DNAH12: variants seen among roughly 807,000 people sequenced by gnomAD.
DNAH12 encodes axonemal beta dynein heavy chain 12.
DNAH12 carries 285 observed loss-of-function variants against 371.5 expected under a neutral mutation model. The observed-to-expected ratio is 0.77, with a 90% confidence interval of 0.70 to 0.85. The LOEUF is 0.85. Among genes scored for constraint, DNAH12 ranks in the 40% least tolerant of loss-of-function variants. The pLI is 0.00. For missense variants in DNAH12, 3,611 were observed against 3,689.4 expected, an observed-to-expected ratio of 0.98 and a Z score of 0.55; for synonymous variants, 1,200 against 1,213.0, an observed-to-expected ratio of 0.99 and a Z score of 0.22.
rs560987918 is a variant in DNAH12 at position 57,474,844 on chromosome 3, C to T, written c.1651-2173G>A. On this transcript the variant is annotated intron_variant, in intron 13 of 73. Transcript: ENST00000495027. ...TGGTGGTGCTAGCTGGGCGTGGTGG[C>T]GCGTGCCTGTAGTCCCAGGTACTCA... Among the ~76,000 whole-genome samples, 268 of 151,928 alleles carry T rather than the reference C, an allele frequency of 1.8e-3. 1 individual carries two copies. The highest frequency in any genetic ancestry group is 6.2e-3 in the African/African-American group (256 of 41,468).
intron 62 of DNAH12, among the ~76,000 whole-genome samples, chr3:57,328,226 C>T (rs1245306259): frequency 4.6e-5 from 7 of 151,544 alleles, no homozygotes; most frequent in Non-Finnish European, 1.0e-4. Context: ...CCAGCATCAT[C>T]CTGATACCAA....
chr3:57,381,382 A>T (rs2063387773), intron 50 of DNAH12, among the ~76,000 whole-genome samples: 1 of 152,104 alleles, frequency 6.6e-6, no homozygotes, highest in Non-Finnish European at 1.5e-5. Flanking sequence ...CCCAGGTATT[A>T]GAAAAACCTG....
chr3:57,413,716 T>G, intron 39 of DNAH12, 30 bp downstream of exon 39: 1 of 1,533,106 alleles, frequency 6.5e-7, no homozygotes, highest in Non-Finnish European at 8.8e-7. Context: ...AGGTATAACT[T>G]CAGCATAACT....
In DNAH12 at chr3:57,411,636, TAGA is replaced by T. The variant is rs540452428; in HGVS notation, c.6020+2107_6020+2109del. On this transcript the variant is annotated intron_variant, in intron 39 of 73. Transcript: ENST00000495027. ...TTAGGGATATATCTAACAAAATATA[TAGA>T]AGATCTATATGAGGAAAACTGTAAA... 4.3e-4 allele frequency among the ~76,000 whole-genome samples: 64 copies of T among 148,840 alleles called. No individual in the cohort carries two copies. In the East Asian group the frequency reaches 9.3e-3, roughly 22 times the overall value.
intron 9 of DNAH12, among the ~76,000 whole-genome samples, chr3:57,502,698 C>G (rs567813906): frequency 6.6e-6 from 1 of 152,244 alleles, no homozygotes; most frequent in African/African-American, 2.4e-5. Flanking sequence ...TACAGGCGCA[C>G]GCCACCACGC....
chr3:57,508,936 A>G (rs1271789221), intron 6 of DNAH12, among the ~76,000 whole-genome samples: 1 of 152,226 alleles, frequency 6.6e-6, no homozygotes, highest in African/African-American at 2.4e-5. Context: ...CTATGCATTC[A>G]TAAAGATCTC....
At chr3:57,526,435 T>TTTAA (rs1173943990) in intron 2 of DNAH12, among the ~76,000 whole-genome samples, 1 of 152,046 alleles carries the variant, frequency 6.6e-6, no homozygotes, top group Admixed American at 6.6e-5. Context: ...TTTAGGTAAG[T>TTTAA]TTATTAGAGA....
intron 60 of DNAH12, among the ~76,000 whole-genome samples, chr3:57,345,182 A>C (rs1420460401): frequency 1.3e-5 from 2 of 152,210 alleles, no homozygotes; most frequent in African/African-American, 4.8e-5. Flanking sequence ...TCTGTTTACA[A>C]GATGAAATGT....
In DNAH12 at chr3:57,409,373, T is replaced by C. The variant is rs2064134850; in HGVS notation, c.6021-838A>G. Among the ~76,000 whole-genome samples, 4 of 151,966 alleles carry C rather than the reference T, an allele frequency of 2.6e-5. No homozygotes were observed. The South Asian group carries it at 8.3e-4, about 31-fold the overall frequency. ...TGGTAACAACCCTAATAATCAACAA[T>C]AGAAGACCAGCTAAGTAAATTACGG... On this transcript the variant is annotated intron_variant, in intron 39 of 73. Transcript: ENST00000495027.
intron 25 of DNAH12, among the ~76,000 whole-genome samples, chr3:57,450,496 C>T (rs181731359): frequency 7.2e-4 from 110 of 152,210 alleles, no homozygotes; most frequent in Non-Finnish European, 1.4e-3. Flanking sequence ...TGTGGTAAGC[C>T]GAGATCGCAC....
At chr3:57,497,262 T>C (rs2067355088) in intron 11 of DNAH12, among the ~76,000 whole-genome samples, 1 of 152,204 alleles carries the variant, frequency 6.6e-6, no homozygotes, top group Admixed American at 6.5e-5. Flanking sequence ...TATATGGAAA[T>C]GCAAAGCACC....
At chr3:57,408,189 G>C (rs2064095640) in intron 40 of DNAH12, 91 bp downstream of exon 40, 3 of 1,358,718 alleles carry the variant, frequency 2.2e-6, no homozygotes, top group Non-Finnish European at 2.9e-6. Context: ...TGACACCAAA[G>C]ACCAAAGCAG....
intron 39 of DNAH12, among the ~76,000 whole-genome samples, chr3:57,410,930 A>G (rs1559628438): frequency 6.6e-6 from 1 of 152,196 alleles, no homozygotes; most frequent in East Asian, 1.9e-4. Flanking sequence ...CTTAATGGTA[A>G]GAATCTCCAA....
At chr3:57,298,013 T>G (rs775344371) in intron 70 of DNAH12, among the ~76,000 whole-genome samples, 1 of 152,248 alleles carries the variant, frequency 6.6e-6, no homozygotes, top group Non-Finnish European at 1.5e-5. Context: ...ATATCTCTTT[T>G]ACTTCCTTTC....
At chr3:57,317,118 C>CT (rs1407065554) in intron 65 of DNAH12, among the ~76,000 whole-genome samples, 1 of 152,110 alleles carries the variant, frequency 6.6e-6, no homozygotes, top group African/African-American at 2.4e-5. Flanking sequence ...TCCTCCCTTC[C>CT]TTTCTTTGTC....
intron 34 of DNAH12, among the ~76,000 whole-genome samples, chr3:57,425,784 C>CCATT (rs58575278): frequency 0.56 from 84,313 of 151,498 alleles, 24,743 homozygotes; most frequent in African/African-American, 0.76. Flanking sequence ...TCTCTAAGAG[C>CCATT]CATTCATTTA....
intron 60 of DNAH12, among the ~76,000 whole-genome samples, chr3:57,351,001 T>G (rs1575490263): frequency 6.6e-6 from 1 of 152,160 alleles, no homozygotes; most frequent in Non-Finnish European, 1.5e-5. Flanking sequence ...CCGGGTGCAG[T>G]GGCTCACACC....
chr3:57,502,926 C>G (rs1013739666), intron 9 of DNAH12, among the ~76,000 whole-genome samples: 1 of 152,156 alleles, frequency 6.6e-6, no homozygotes, highest in Non-Finnish European at 1.5e-5. Flanking sequence ...GCAATCCGCC[C>G]GCCTCATCCT....
chr3:57,304,166 T>G (rs1279681266), intron 69 of DNAH12, among the ~76,000 whole-genome samples: 1 of 150,548 alleles, frequency 6.6e-6, no homozygotes, highest in Non-Finnish European at 1.5e-5. Context: ...TGACAAAACC[T>G]CTCTTTTCGG....
Sources: gnomAD v4.1 joint callset for allele counts (sites outside exome capture counted in the v4.1 genomes callset) on GRCh38, gnomAD v4.1.1 for gene constraint, MANE v1.5 for transcripts, NCBI Gene and HGNC (gene_info 2026-07-23, HGNC 2026-07-21) for gene names.